Variants in ALDH4A1 observed in about 807,000 individuals in gnomAD.
ALDH4A1 encodes the protein aldehyde dehydrogenase 4 family member A1.
Under a neutral mutation model 70.5 loss-of-function variants are expected in ALDH4A1, and 46 were observed. The observed-to-expected ratio is 0.65, with a 90% CI of 0.51 to 0.83. The LOEUF is 0.83. ALDH4A1 is among the 40% of genes least tolerant of loss of function. The pLI is 0.00. For missense variants in ALDH4A1, 749 were observed against 766.5 expected, an observed-to-expected ratio of 0.98 and a Z score of 0.27; for synonymous variants, 323 against 324.3, an observed-to-expected ratio of 1.00 and a Z score of 0.04.
intron 1 of ALDH4A1, chr1:18,897,266 G>A: frequency 2.9e-6 from 1 of 344,398 alleles, no homozygotes; most frequent in South Asian, 2.2e-5. Context: ...CTTCCGGCCA[G>A]GCGCAGTGGC....
chr1:18,893,088 C>T lies in ALDH4A1; in HGVS notation c.63-2983G>A, dbSNP rs74673721. On this transcript the variant is annotated intron_variant, in intron 1 of 14. Transcript: ENST00000375341. ...AGATATCACCATCAACTCTTTCAGCCGAGAAGCGGGACTCCAAATAACTGA... is the reference window on the plus strand; with the variant it reads ...AGATATCACCATCAACTCTTTCAGCTGAGAAGCGGGACTCCAAATAACTGA... Among the ~76,000 whole-genome samples the T allele has an allele frequency of 3.5e-3, 533 of 152,252 alleles. 2 individuals carry two copies. The highest frequency in any genetic ancestry group is 6.4e-3 in the Non-Finnish European group (435 of 68,024).
intron 8 of ALDH4A1, among the ~76,000 whole-genome samples, chr1:18,879,597 C>T (rs571719884): frequency 3.9e-5 from 6 of 152,302 alleles, no homozygotes; most frequent in African/African-American, 1.4e-4. Flanking sequence ...GCCAGGAGGA[C>T]ACTAAGGGCT....
intron 1 of ALDH4A1, among the ~76,000 whole-genome samples, chr1:18,901,662 T>G (rs955812751): frequency 5.3e-5 from 8 of 152,192 alleles, no homozygotes; most frequent in African/African-American, 1.9e-4. Context: ...CCTGGGTTTC[T>G]TCATTATTTG....
intron 1 of ALDH4A1, among the ~76,000 whole-genome samples, chr1:18,892,564 G>C (rs1420082672): frequency 6.6e-6 from 1 of 151,666 alleles, no homozygotes; most frequent in Non-Finnish European, 1.5e-5. Context: ...GAGGCGGGGG[G>C]GGGCTGAGAG....
chr1:18,878,298 G>C (rs1934812647), intron 9 of ALDH4A1, among the ~76,000 whole-genome samples: 1 of 152,220 alleles, frequency 6.6e-6, no homozygotes, highest in Non-Finnish European at 1.5e-5. Flanking sequence ...GGCACAGAGA[G>C]ATGAAGTCAC....
rs138534161 is a variant in ALDH4A1 at position 18,872,836 on chromosome 1, G to C, written c.*9C>G. 5 of 1,607,516 alleles carry C rather than the reference G, an allele frequency of 3.1e-6. No homozygotes were observed. Among genetic ancestry groups the C allele is most frequent in the South Asian group, 2.2e-5 (2 of 90,914 alleles). ...GACAGACAGCTGGACGGTGGAGCCCGAGAGGGGCTCACTGCATGTACGCGT... is the reference window on the plus strand; with the variant it reads ...GACAGACAGCTGGACGGTGGAGCCCCAGAGGGGCTCACTGCATGTACGCGT... On this transcript the variant is annotated 3_prime_UTR_variant, in exon 15 of 15. Coordinates refer to ENST00000375341, the MANE Select transcript of ALDH4A1 (RefSeq NM_003748.4).
chr1:18,885,458 C>CCCCCCCCCCCCCCCCCCCCCACA lies in ALDH4A1; in HGVS notation c.453+14_453+15insTGTGGGGGGGGGGGGGGGGGGGG. ...CCCACCCCGCCCCACCCACCCGGGC[C>CCCCCCCCCCCCCCCCCCCCCACA]CACCAGCACCTCACCTGTCCCACCA... On this transcript the variant is annotated intron_variant, in intron 5 of 14. Transcript: ENST00000375341. The CCCCCCCCCCCCCCCCCCCCCACA allele has an allele frequency of 6.7e-7, 1 of 1,489,008 alleles. No homozygotes were observed. Among genetic ancestry groups the CCCCCCCCCCCCCCCCCCCCCACA allele is most frequent in the Non-Finnish European group, 9.0e-7 (1 of 1,110,980 alleles). The allele number at this position is 1,489,008 out of a possible 1,614,324, so 92.2% of individuals were successfully genotyped here.
At chr1:18,876,971 G>A (rs2100557875) in intron 11 of ALDH4A1, among the ~76,000 whole-genome samples, 1 of 152,286 alleles carries the variant, frequency 6.6e-6, no homozygotes, top group East Asian at 1.9e-4. Context: ...TCATGCAAAT[G>A]CTATTAGGAG....
intron 1 of ALDH4A1, among the ~76,000 whole-genome samples, chr1:18,893,120 C>G (rs999301184): frequency 6.6e-6 from 1 of 152,210 alleles, no homozygotes; most frequent in Non-Finnish European, 1.5e-5. Flanking sequence ...CTGAGTCTGT[C>G]CCAGCCCCTC....
chr1:18,897,592 G>C (rs780313498), intron 1 of ALDH4A1, among the ~76,000 whole-genome samples: 1 of 152,222 alleles, frequency 6.6e-6, no homozygotes, highest in South Asian at 2.1e-4. Flanking sequence ...AAGCATTTCA[G>C]ATGAGGGACA....
intron 1 of ALDH4A1, among the ~76,000 whole-genome samples, chr1:18,892,334 G>C (rs1042462482): frequency 6.6e-6 from 1 of 152,160 alleles, no homozygotes; most frequent in Non-Finnish European, 1.5e-5. Context: ...ATAAAGCAGT[G>C]ACAGAGACAG....
chr1:18,899,707 A>G (rs1935737161), intron 1 of ALDH4A1, among the ~76,000 whole-genome samples: 1 of 152,226 alleles, frequency 6.6e-6, no homozygotes, highest in Non-Finnish European at 1.5e-5. Context: ...TGAGAGGCTG[A>G]GTAAAATAAT....
rs565129097 is a variant in ALDH4A1, at chr1:18,885,838, C to T, written c.298-210G>A. Among the ~76,000 whole-genome samples the T allele has an allele frequency of 6.0e-4, 91 of 152,322 alleles. 1 individual carries two copies. The Middle Eastern group carries it at 0.01, about 17-fold the overall frequency. ...CTGCCAGTCTGAAGCCTGAAGGGCC[C>T]GGCCAGGTTGGTCAGCTCTCCGAGG... On this transcript the variant is annotated intron_variant, in intron 4 of 14. Transcript: ENST00000375341.
At chr1:18,887,659 T>C (rs1297170570) in intron 3 of ALDH4A1, among the ~76,000 whole-genome samples, 1 of 151,762 alleles carries the variant, frequency 6.6e-6, no homozygotes, top group South Asian at 2.1e-4. Flanking sequence ...AACACCACGA[T>C]GACATCCCAC....
rs1040846169 is a variant in ALDH4A1 at position 18,898,796 on chromosome 1, G to A, written c.62+3666C>T. On this transcript the variant is annotated intron_variant, in intron 1 of 14. Coordinates refer to ENST00000375341, the MANE Select transcript of ALDH4A1 (RefSeq NM_003748.4). The surrounding 1 kb of genome is among the most constrained non-coding windows in gnomAD (Gnocchi z 4.3). ...AACCGTTCAACGCCTACTGTGTGCC[G>A]GGCCAGATGCAGGGCACAGGAGGCA... Among the ~76,000 whole-genome samples, 6 of 152,196 alleles carry A rather than the reference G, an allele frequency of 3.9e-5. No individual in the cohort carries two copies. Among genetic ancestry groups the A allele is most frequent in the East Asian group, 3.8e-4 (2 of 5,196 alleles).
chr1:18,874,546 T>C lies in ALDH4A1; in HGVS notation c.1496A>G (p.Asn499Ser), dbSNP rs369624696. Reference protein sequence around the residue: ...VVQEATKVLRNAAGNFYINDK... With the variant: ...VVQEATKVLRSAAGNFYINDK... ...GTTGATGTAGAAGTTGCCGGCAGCA[T>C]TCCTCAGCACCTTTGTGGCCTCCTG... The change falls in exon 14 of 15, where the codon AAT becomes AGT. Residue 499 changes from asparagine (N) to serine (S), a missense_variant. Coordinates refer to ENST00000375341, the MANE Select transcript of ALDH4A1 (RefSeq NM_003748.4). 4 of 1,614,060 alleles carry C rather than the reference T, an allele frequency of 2.5e-6. No homozygotes were observed. The highest frequency in any genetic ancestry group is 1.6e-4 in the Middle Eastern group (1 of 6,084).
intron 4 of ALDH4A1, among the ~76,000 whole-genome samples, chr1:18,886,034 C>T (rs949405078): frequency 2.6e-5 from 4 of 152,198 alleles, no homozygotes; most frequent in Non-Finnish European, 4.4e-5. Context: ...ACCCCAACTG[C>T]CCTCATCGCC....
At position 18,875,457 on chromosome 1, in the gene ALDH4A1, T is replaced by G. The variant is rs150762865; in HGVS notation, c.1385A>C (p.Lys462Thr). Reference protein sequence around the residue: ...VLSVYVYPDDKYKETLQLVDS... With the variant: ...VLSVYVYPDDTYKETLQLVDS... ...AACCAGCTGCAGCGTCTCCTTGTAC[T>G]TGTCATCCGGGTAGACGTACACAGA... Residue 462 changes from lysine to threonine, a missense_variant, in exon 13 of 15, where the codon AAG (lysine) becomes ACG (threonine). Lys to Thr is a moderately conservative substitution (Grantham distance 78). Coordinates refer to ENST00000375341, the MANE Select transcript of ALDH4A1 (RefSeq NM_003748.4). The G allele has an allele frequency of 3.7e-4, 593 of 1,614,118 alleles. 3 individuals are homozygous for G. The African/African-American group carries it at 7.2e-3, about 20-fold the overall frequency.
chr1:18,885,431 A>ACCCCCCCCCCCCCCCCCCCCCCCCCCCCC, intron 5 of ALDH4A1, 42 bp downstream of exon 5: 11 of 478,972 alleles, frequency 2.3e-5, no homozygotes, highest in Admixed American at 7.1e-5. Context: ...CCTGACTCCC[A>ACCCCCCCCCCCCCCCCCCCCCCCCCCCCC]CCCCACCCCG....
Sources: gnomAD v4.1 joint callset for allele counts (sites outside exome capture counted in the v4.1 genomes callset) on GRCh38, gnomAD v4.1.1 for gene constraint, Gnocchi (gnomAD v3.1) non-coding constraint, MANE v1.5 for transcripts, NCBI Gene and HGNC (gene_info 2026-07-23, HGNC 2026-07-21) for gene names.